The following PLCH2 variants were observed in gnomAD, a reference collection of about 807,000 sequenced individuals.
PLCH2 encodes the protein 1-phosphatidylinositol 4,5-bisphosphate phosphodiesterase eta-2.
A neutral mutation model predicts 134.7 loss-of-function variants in PLCH2; 98 were observed. That is an observed-to-expected ratio of 0.73 (90% CI 0.62 to 0.86). The LOEUF (loss-of-function observed/expected upper bound fraction) is 0.86. Ranked by LOEUF, PLCH2 falls within the 40% of genes least tolerant of loss-of-function variation. The probability of loss-of-function intolerance (pLI) is 0.00; values close to 1 mark genes in which losing one functional copy is unlikely to be tolerated. For synonymous variants in PLCH2, 974 were observed against 827.5 expected, an observed-to-expected ratio of 1.18 and a Z score of -3.04; for missense variants, 1,994 against 1,986.6, an observed-to-expected ratio of 1.00 and a Z score of -0.07.
intron 19 of PLCH2, 124 bp from the exon 20 acceptor site, chr1:2,499,517 C>T (rs1397642685): frequency 7.7e-6 from 6 of 779,530 alleles, no homozygotes; most frequent in Non-Finnish European, 1.3e-5. Context: ...GAGGCAGAGG[C>T]CCCAGGCCTG....
In PLCH2 at chr1:2,434,600, G is replaced by A. The variant is rs908830862; in HGVS notation, c.115+3971G>A. Among the ~76,000 whole-genome samples, 5 of 152,346 alleles carry A rather than the reference G, an allele frequency of 3.3e-5. No homozygotes were observed. In the East Asian group the frequency reaches 9.6e-4, roughly 29 times the overall value. ...TTGAGATGCAGAACCCTGGACACTG[G>A]GCCGTGGGACCCTCCAGTCCCGGAA... On this transcript the variant is annotated intron_variant, in intron 2 of 3. Coordinates refer to the PLCH2 transcript ENST00000609981.
In PLCH2 at chr1:2,499,090, A is replaced by AC; in HGVS notation, c.2445dup (p.Thr816HisfsTer31). On this transcript the variant is annotated frameshift_variant, in exon 19 of 22. Transcript: ENST00000378486. LOFTEE classifies it high-confidence loss of function. ...CCTGGCGCTGCTTCCCCAGGGTTCA[A>AC]CCCCACCTGGGAGGAGACCCTGGTT... 1 of 1,609,584 alleles carries AC rather than the reference A, an allele frequency of 6.2e-7. No homozygotes were observed. Among genetic ancestry groups the AC allele is most frequent in the Non-Finnish European group, 8.5e-7 (1 of 1,178,518 alleles).
chr1:2,450,560 GC>G (rs1466528712), intron 2 of PLCH2, among the ~76,000 whole-genome samples: 1 of 38,604 alleles, frequency 2.6e-5, no homozygotes, highest in African/African-American at 1.2e-4. Flanking sequence ...TTCCCCACCT[GC>G]CCCCTAACTC....
At chr1:2,494,728 C>T in intron 11 of PLCH2, 128 bp from the exon 12 acceptor site, 1 of 702,094 alleles carries the variant, frequency 1.4e-6, no homozygotes, top group South Asian at 1.5e-5. Flanking sequence ...TCCCGTCTGC[C>T]TTACTCCAGA....
chr1:2,499,916 C>T (rs1316932353), intron 20 of PLCH2, 196 bp downstream of exon 20: 2 of 618,114 alleles, frequency 3.2e-6, no homozygotes, highest in South Asian at 3.7e-5. Flanking sequence ...CAGTGCCCAC[C>T]TCTGATCTCA....
intron 4 of PLCH2, among the ~76,000 whole-genome samples, chr1:2,483,229 G>A (rs776665584): frequency 2.0e-5 from 3 of 152,192 alleles, no homozygotes; most frequent in Non-Finnish European, 2.9e-5. Flanking sequence ...GCTGGGTGTC[G>A]GTGTGGCCAG....
At chr1:2,462,071 C>A (rs1264142893) in intron 2 of PLCH2, among the ~76,000 whole-genome samples, 1 of 147,480 alleles carries the variant, frequency 6.8e-6, no homozygotes, top group Non-Finnish European at 1.5e-5. Context: ...CCACCTGACA[C>A]CACTCCGCTT....
chr1:2,500,066 C>G (rs1643131151), intron 20 of PLCH2: 1 of 387,796 alleles, frequency 2.6e-6, no homozygotes. Context: ...GGCTTCTCAG[C>G]AGGGACCGAG....
chr1:2,471,558 G>A (rs1422823806), upstream of PLCH2, among the ~76,000 whole-genome samples: 1 of 152,232 alleles, frequency 6.6e-6, no homozygotes, highest in African/African-American at 2.4e-5. Flanking sequence ...GAAGAAAGGT[G>A]TCTGCTGGCC....
intron 2 of PLCH2, among the ~76,000 whole-genome samples, chr1:2,449,959 G>A (rs1279916449): frequency 6.6e-6 from 1 of 152,242 alleles, no homozygotes; most frequent in African/African-American, 2.4e-5. Context: ...TGGGAGGCTG[G>A]CCTCGGACTG....
chr1:2,494,413 G>A (rs985656136), intron 11 of PLCH2: 3 of 227,928 alleles, frequency 1.3e-5, no homozygotes, highest in Non-Finnish European at 2.6e-5. Flanking sequence ...AGGGATACCC[G>A]CGCACTGCGG....
chr1:2,481,962 T>TG (rs370561146), intron 4 of PLCH2, among the ~76,000 whole-genome samples: 31 of 152,360 alleles, frequency 2.0e-4, no homozygotes, highest in African/African-American at 7.0e-4. Context: ...CAGAGAGAAC[T>TG]GCATGGTGGA....
chr1:2,465,770 G>A (rs1557977521), upstream of PLCH2, among the ~76,000 whole-genome samples: 1 of 152,256 alleles, frequency 6.6e-6, no homozygotes, highest in East Asian at 1.9e-4. Context: ...AGTGGCGGGC[G>A]GGGCTGGCCC....
At chr1:2,460,239 C>T (rs897953906) in intron 2 of PLCH2, among the ~76,000 whole-genome samples, 73 of 152,372 alleles carry the variant, frequency 4.8e-4, no homozygotes, top group African/African-American at 1.6e-3. Context: ...CATGCTGCCC[C>T]GGGGTCCCAG....
chr1:2,470,057 A>G (rs2494628), intron 1 of PLCH2, among the ~76,000 whole-genome samples: 4,083 of 152,298 alleles, frequency 0.027, 208 homozygotes, highest in African/African-American at 0.093. Flanking sequence ...CCCAGGCACC[A>G]TGATGCAGCC....
chr1:2,487,976 C>G (rs78283022), intron 8 of PLCH2, among the ~76,000 whole-genome samples: 2,132 of 152,350 alleles, frequency 0.014, 15 homozygotes, highest in African/African-American at 0.022. Flanking sequence ...GTGCCCACAG[C>G]AGCTGTGGCT....
chr1:2,436,551 C>CCTCCCTCCCCCTTTCCTCCTTT (rs1639427658), intron 2 of PLCH2, among the ~76,000 whole-genome samples: 6 of 48,268 alleles, frequency 1.2e-4, no homozygotes, highest in Admixed American at 2.4e-4. Context: ...CTCCTCCCTT[C>CCTCCCTCCCCCTTTCCTCCTTT]CTCCCTCCAC....
At chr1:2,474,539 C>A (rs563924566), upstream of PLCH2, among the ~76,000 whole-genome samples, 3 of 152,222 alleles carry the variant, frequency 2.0e-5, no homozygotes, top group East Asian at 5.8e-4. Context: ...CCTCTCAGAA[C>A]CCCTGCCCAG....
At chr1:2,452,303 C>T (rs553318605) in intron 2 of PLCH2, among the ~76,000 whole-genome samples, 5 of 152,324 alleles carry the variant, frequency 3.3e-5, no homozygotes, top group Admixed American at 1.3e-4. Flanking sequence ...CCCCATCCCC[C>T]GGCCCTGCCT....
Sources: allele counts gnomAD v4.1 joint callset (sites outside exome capture counted in the v4.1 genomes callset), GRCh38; gene constraint gnomAD v4.1.1; transcripts MANE v1.5; gene names NCBI Gene and HGNC (gene_info 2026-07-23, HGNC 2026-07-21).